The following RTF1 variants were observed in gnomAD, a reference collection of about 807,000 sequenced individuals.
RTF1 encodes the protein RNA polymerase-associated protein RTF1 homolog.
A neutral mutation model predicts 95.7 loss-of-function variants in RTF1; 10 were observed. The observed-to-expected ratio is 0.10, with a 90% confidence interval of 0.06 to 0.18. The LOEUF is 0.18. Ranked by LOEUF, RTF1 falls within the 10% of genes least tolerant of loss-of-function variation. RTF1 has a pLI of 1.00. For missense variants in RTF1, 458 were observed against 875.6 expected, an observed-to-expected ratio of 0.52 and a Z score of 6.02; for synonymous variants, 305 against 311.8, an observed-to-expected ratio of 0.98 and a Z score of 0.23.
chr15:41,418,545 C>T (rs1364200852), intron 1 of RTF1, among the ~76,000 whole-genome samples: 2 of 151,902 alleles, frequency 1.3e-5, no homozygotes, highest in African/African-American at 4.8e-5. Flanking sequence ...GGGCTGGGCG[C>T]GGTGGCTCAC....
chr15:41,471,647 T>A (rs1322706403), intron 8 of RTF1, among the ~76,000 whole-genome samples: 2 of 152,192 alleles, frequency 1.3e-5, no homozygotes, highest in Non-Finnish European at 2.9e-5. Context: ...GGGAGTTACA[T>A]AATCTAAAAG....
At chr15:41,444,724 T>C (rs1595430929) in intron 2 of RTF1, among the ~76,000 whole-genome samples, 1 of 152,180 alleles carries the variant, frequency 6.6e-6, no homozygotes, top group East Asian at 1.9e-4. Flanking sequence ...GCTTCCTTTT[T>C]CCTCTGTTAT....
intron 5 of RTF1, among the ~76,000 whole-genome samples, chr15:41,465,211 G>T (rs1455107947): frequency 6.7e-6 from 1 of 149,134 alleles, no homozygotes; most frequent in Non-Finnish European, 1.5e-5. Flanking sequence ...ATGTTGCCCG[G>T]GCTAGAATAC....
intron 4 of RTF1, 71 bp from the exon 5 acceptor site, chr15:41,464,699 TC>T (rs2140964137): frequency 7.6e-7 from 1 of 1,309,790 alleles, no homozygotes; most frequent in East Asian, 2.4e-5. Context: ...TTAGTTCCTT[TC>T]TCCTATCTAA....
In RTF1 at chr15:41,474,553, A is replaced by G. The variant is rs2050932859; in HGVS notation, c.1204-67A>G. The G allele has an allele frequency of 6.4e-6, 7 of 1,102,094 alleles. No homozygotes were observed. The South Asian group carries it at 8.7e-5, about 14-fold the overall frequency. The allele number at this position is 1,102,094 out of a possible 1,614,324, so 68.3% of individuals were successfully genotyped here. ...TCTGCGTTCAGGTAGAGAGACGCAA[A>G]GGAAGAGTGTTGTGGAAAGCTCCGG... On this transcript the variant is annotated intron_variant, in intron 8 of 17. Transcript: ENST00000389629.
chr15:41,461,777 C>A (rs1163971304), intron 4 of RTF1, among the ~76,000 whole-genome samples: 1 of 151,604 alleles, frequency 6.6e-6, no homozygotes. Context: ...GTGTGAGCCA[C>A]CGTGCCCGCC....
chr15:41,477,386 C>T, intron 13 of RTF1, 72 bp from the exon 14 acceptor site: 1 of 1,611,958 alleles, frequency 6.2e-7, no homozygotes, highest in Non-Finnish European at 8.5e-7. Context: ...CCATAGATAT[C>T]TGAGTTCAGG....
At position 41,462,178 on chromosome 15, in the gene RTF1, A is replaced by G. The variant is rs375518116; in HGVS notation, c.663-2593A>G. On this transcript the variant is annotated intron_variant, in intron 4 of 17. Coordinates refer to ENST00000389629, the MANE Select transcript of RTF1 (RefSeq NM_015138.5). ...GTTTGTTTAGCTTCAGGGCAGTGCAATATGGAAACTCTGGAATTTCCTGAA... is the reference window on the plus strand; with the variant it reads ...GTTTGTTTAGCTTCAGGGCAGTGCAGTATGGAAACTCTGGAATTTCCTGAA... Among the ~76,000 whole-genome samples the G allele has an allele frequency of 9.8e-5, 15 of 152,310 alleles. No individual in the cohort carries two copies. In the East Asian group the frequency reaches 2.5e-3, roughly 25 times the overall value.
intron 14 of RTF1, 57 bp downstream of exon 14, chr15:41,477,572 T>G: frequency 6.7e-7 from 1 of 1,487,628 alleles, no homozygotes; most frequent in South Asian, 1.1e-5. Flanking sequence ...CCATGACATC[T>G]TTTCTACATC....
At chr15:41,473,723 C>T (rs1486302303) in intron 8 of RTF1, among the ~76,000 whole-genome samples, 3 of 151,566 alleles carry the variant, frequency 2.0e-5, no homozygotes, top group Non-Finnish European at 1.5e-5. Context: ...CCACTATGCC[C>T]AACTAATTTT....
At chr15:41,475,327 A>T (rs2050937071) in intron 9 of RTF1, among the ~76,000 whole-genome samples, 198 bp from the exon 10 acceptor site, 2 of 152,188 alleles carry the variant, frequency 1.3e-5, no homozygotes, top group African/African-American at 2.4e-5. Flanking sequence ...GACCAAGCCC[A>T]TTTGGTTTCC....
At chr15:41,478,401 A>C (rs1566850565) in intron 14 of RTF1, 147 bp from the exon 15 acceptor site, 2 of 664,100 alleles carry the variant, frequency 3.0e-6, no homozygotes, top group Non-Finnish European at 5.1e-6. Context: ...ACTCCATCTC[A>C]AAAAAAATTA....
At chr15:41,468,874 T>C (rs2050895269) in intron 6 of RTF1, among the ~76,000 whole-genome samples, 1 of 152,210 alleles carries the variant, frequency 6.6e-6, no homozygotes, top group Admixed American at 6.5e-5. Flanking sequence ...TGATGGGTTT[T>C]ATTTATTTTG....
intron 2 of RTF1, among the ~76,000 whole-genome samples, chr15:41,442,355 GA>G (rs1212953618): frequency 6.6e-6 from 1 of 151,742 alleles, no homozygotes; most frequent in African/African-American, 2.4e-5. Flanking sequence ...TTTTAATAGA[GA>G]CGGGGTTTTA....
intron 4 of RTF1, among the ~76,000 whole-genome samples, chr15:41,459,164 T>G (rs1395959277): frequency 6.6e-6 from 1 of 152,122 alleles, no homozygotes; most frequent in Middle Eastern, 3.2e-3. Context: ...GTGGATCAGT[T>G]GATTCCAGGA....
At chr15:41,441,486 G>A (rs1441073834) in intron 2 of RTF1, among the ~76,000 whole-genome samples, 2 of 152,064 alleles carry the variant, frequency 1.3e-5, no homozygotes, top group Non-Finnish European at 2.9e-5. Context: ...TTAAAAGTTA[G>A]GTCAGAGTCC....
chr15:41,428,011 T>A (rs1292217160), intron 1 of RTF1, among the ~76,000 whole-genome samples: 7 of 151,928 alleles, frequency 4.6e-5, no homozygotes, highest in Non-Finnish European at 7.4e-5. Flanking sequence ...GGTCTTGATC[T>A]CCTGACCTCA....
At position 41,477,449 on chromosome 15, in the gene RTF1, AC is replaced by A. The variant is rs750427744; in HGVS notation, c.1683-5del. Reference sequence around the variant, plus strand: ...TCACAGCCACTGACTCATCCCTCTTACCCCACAGTTACATCAACCAGCGGAA... The same window carrying A: ...TCACAGCCACTGACTCATCCCTCTTACCCACAGTTACATCAACCAGCGGAA... On this transcript the variant is annotated splice_region_variant and splice_polypyrimidine_tract_variant and intron_variant, in intron 13 of 17. Transcript: ENST00000389629. 6.2e-7 allele frequency: 1 copy of A among 1,614,024 alleles called. No individual in the cohort carries two copies. The highest frequency in any genetic ancestry group is 8.5e-7 in the Non-Finnish European group (1 of 1,179,988).
Position 41,475,697 on chromosome 15 carries a change from G to A in RTF1, c.1375-15G>A, listed in dbSNP as rs540743098. The A allele has an allele frequency of 1.3e-5, 21 of 1,602,086 alleles. No individual in the cohort carries two copies. The highest frequency in any genetic ancestry group is 4.5e-5 in the East Asian group (2 of 44,832). On this transcript the variant is annotated splice_polypyrimidine_tract_variant and intron_variant, in intron 10 of 17. Transcript: ENST00000389629. Reference sequence around the variant, plus strand: ...AATCCCTTACTAATAATCTCGTATCGTGTTTTTGATCCAGATGTTCTCTGC... The same window carrying A: ...AATCCCTTACTAATAATCTCGTATCATGTTTTTGATCCAGATGTTCTCTGC...
Sources: gnomAD v4.1 joint callset for allele counts (sites outside exome capture counted in the v4.1 genomes callset) on GRCh38, gnomAD v4.1.1 for gene constraint, MANE v1.5 for transcripts, NCBI Gene and HGNC (gene_info 2026-07-23, HGNC 2026-07-21) for gene names.